Variants in ZNF804B observed in about 807,000 individuals in gnomAD.
ZNF804B encodes the protein zinc finger protein 804B, also known as zinc finger 804B.
Under a neutral mutation model 101.4 loss-of-function variants are expected in ZNF804B, and 80 were observed. The ratio of observed to expected loss-of-function variants is 0.79; its 90% CI spans 0.66 to 0.95. The LOEUF (loss-of-function observed/expected upper bound fraction) is 0.95, where lower values mean the gene tolerates loss of function less well. ZNF804B is among the 40% of genes least tolerant of loss of function. The probability of loss-of-function intolerance (pLI) is 0.00; values close to 1 mark genes in which losing one functional copy is unlikely to be tolerated. For missense variants in ZNF804B, 1,673 were observed against 1,561.9 expected, an observed-to-expected ratio of 1.07 and a Z score of -1.20; for synonymous variants, 622 against 558.8, an observed-to-expected ratio of 1.11 and a Z score of -1.59.
chr7:89,187,791 A>G (rs891128978), intron 1 of ZNF804B, among the ~76,000 whole-genome samples: 1 of 152,178 alleles, frequency 6.6e-6, no homozygotes, highest in African/African-American at 2.4e-5. Flanking sequence ...TAACTTTGAC[A>G]TGTAAGGATC....
chr7:89,206,175 G>C (rs2115663430), intron 1 of ZNF804B, among the ~76,000 whole-genome samples: 1 of 152,296 alleles, frequency 6.6e-6, no homozygotes, highest in South Asian at 2.1e-4. Flanking sequence ...CTTGGGCCCG[G>C]CCCATAAAAC....
intron 1 of ZNF804B, among the ~76,000 whole-genome samples, chr7:88,942,224 A>G (rs1016971623): frequency 1.3e-5 from 2 of 151,956 alleles, no homozygotes; most frequent in African/African-American, 2.4e-5. Context: ...GAAAGGATCT[A>G]TGTGCTTCTA....
At position 89,182,772 on chromosome 7, in the gene ZNF804B, G is replaced by A. The variant is rs949199242; in HGVS notation, c.109-35383G>A. Among the ~76,000 whole-genome samples the A allele has an allele frequency of 5.1e-4, 77 of 152,208 alleles. 1 individual carries two copies. The highest frequency in any genetic ancestry group is 1.3e-4 in the Non-Finnish European group (9 of 67,986). On this transcript the variant is annotated intron_variant, in intron 1 of 3. Transcript: ENST00000333190. The stretch of plus-strand genomic sequence containing the variant: ...CTGATTCATATACTCTGATTTGAGC[G>A]CCAATCATCTGCTTCTGCACAGGAT...
At chr7:88,979,361 A>T (rs1275892957) in intron 1 of ZNF804B, among the ~76,000 whole-genome samples, 1 of 151,952 alleles carries the variant, frequency 6.6e-6, no homozygotes, top group East Asian at 1.9e-4. Flanking sequence ...CTTGTAGGAC[A>T]TGTCTGTGAT....
At chr7:88,854,533 T>TC (rs1554340260) in intron 1 of ZNF804B, among the ~76,000 whole-genome samples, 1,054 of 78,164 alleles carry the variant, frequency 0.013, 33 homozygotes, top group Non-Finnish European at 0.015. Flanking sequence ...TTCCTTTCCT[T>TC]CCTTCCTTCC....
intron 1 of ZNF804B, among the ~76,000 whole-genome samples, chr7:89,196,002 C>G (rs936905918): frequency 6.6e-6 from 1 of 151,974 alleles, no homozygotes; most frequent in Non-Finnish European, 1.5e-5. Context: ...AGATTTGAAG[C>G]TATTCCCATT....
chr7:89,287,675 T>C (rs1222665382), intron 2 of ZNF804B, among the ~76,000 whole-genome samples: 1 of 152,086 alleles, frequency 6.6e-6, no homozygotes, highest in African/African-American at 2.4e-5. Context: ...TCCATAGTAC[T>C]AGATAAAACA....
intron 2 of ZNF804B, among the ~76,000 whole-genome samples, chr7:89,255,352 G>C (rs1789611505): frequency 6.6e-6 from 1 of 152,118 alleles, no homozygotes; most frequent in Non-Finnish European, 1.5e-5. Flanking sequence ...AGATTTTGTT[G>C]GGCACACACA....
chr7:88,938,530 A>T (rs1169525951), intron 1 of ZNF804B, among the ~76,000 whole-genome samples: 2 of 152,032 alleles, frequency 1.3e-5, no homozygotes, highest in African/African-American at 4.8e-5. Context: ...AAATCATGAT[A>T]TATAGGGTTA....
intron 1 of ZNF804B, among the ~76,000 whole-genome samples, chr7:89,014,703 T>C (rs977981252): frequency 6.6e-6 from 1 of 152,220 alleles, no homozygotes; most frequent in Admixed American, 6.5e-5. Context: ...TAAAATCAAA[T>C]TGTTTATTTG....
chr7:88,865,682 C>T (rs1325078337), intron 1 of ZNF804B, among the ~76,000 whole-genome samples: 2 of 152,226 alleles, frequency 1.3e-5, no homozygotes, highest in African/African-American at 2.4e-5. Flanking sequence ...ATGCCTCACC[C>T]TTGACACACC....
intron 1 of ZNF804B, among the ~76,000 whole-genome samples, chr7:89,154,285 A>G (rs1293589164): frequency 6.6e-6 from 1 of 152,186 alleles, no homozygotes; most frequent in Non-Finnish European, 1.5e-5. Context: ...CACTGGTGAG[A>G]ATGTCAATTA....
At chr7:89,316,846 T>A (rs1790732985) in intron 2 of ZNF804B, among the ~76,000 whole-genome samples, 1 of 149,526 alleles carries the variant, frequency 6.7e-6, no homozygotes, top group African/African-American at 2.4e-5. Flanking sequence ...AAAAGACCCT[T>A]TGTACTGCAA....
At chr7:88,851,329 A>T (rs986295020) in intron 1 of ZNF804B, among the ~76,000 whole-genome samples, 4 of 152,098 alleles carry the variant, frequency 2.6e-5, no homozygotes, top group Non-Finnish European at 5.9e-5. Flanking sequence ...ACACCAAAGC[A>T]CATTACCATC....
chr7:88,866,194 C>G (rs17164849), intron 1 of ZNF804B, among the ~76,000 whole-genome samples: 29,163 of 152,056 alleles, frequency 0.19, 3,077 homozygotes, highest in African/African-American at 0.3. Context: ...TTAATAAACT[C>G]TTGATTTAAT....
chr7:88,917,373 G>A (rs1358089289), intron 1 of ZNF804B, among the ~76,000 whole-genome samples: 1 of 152,120 alleles, frequency 6.6e-6, no homozygotes, highest in African/African-American at 2.4e-5. Flanking sequence ...TAAGATTTTT[G>A]TCAAGGCTGC....
intron 2 of ZNF804B, among the ~76,000 whole-genome samples, chr7:89,247,871 A>G (rs1789475245): frequency 6.6e-6 from 1 of 152,208 alleles, no homozygotes; most frequent in Non-Finnish European, 1.5e-5. Flanking sequence ...CAATTCAGGA[A>G]AGGAAAGAAG....
At position 89,336,760 on chromosome 7, in the gene ZNF804B, C is replaced by T; in HGVS notation, c.3778C>T (p.Pro1260Ser). ...GACTCCAACCATTATCCCTGCACAC[C>T]CCACTTTCTTAGCAGGTCATCCCCT... ...TLTPTIIPAHPTFLAGHPLHL... is the reference protein window; with the variant it reads ...TLTPTIIPAHSTFLAGHPLHL... The change falls in exon 4 of 4, where the codon CCC becomes TCC. Residue 1260 changes from proline (P) to serine (S), a missense_variant. Coordinates refer to ENST00000333190, the MANE Select transcript of ZNF804B (RefSeq NM_181646.5). 4.3e-6 allele frequency: 7 copies of T among 1,614,066 alleles called. No homozygotes were observed. The highest frequency in any genetic ancestry group is 5.1e-6 in the Non-Finnish European group (6 of 1,180,006).
At chr7:89,100,752 G>T (rs1790042518) in intron 1 of ZNF804B, among the ~76,000 whole-genome samples, 2 of 151,926 alleles carry the variant, frequency 1.3e-5, no homozygotes, top group African/African-American at 4.8e-5. Flanking sequence ...ATATGAATAT[G>T]TTCTATTTTA....
Sources: gnomAD v4.1 joint callset for allele counts (sites outside exome capture counted in the v4.1 genomes callset) on GRCh38, gnomAD v4.1.1 for gene constraint, MANE v1.5 for transcripts, NCBI Gene and HGNC (gene_info 2026-07-23, HGNC 2026-07-21) for gene names.